The following SCN2B variants were observed in gnomAD, a reference collection of about 807,000 sequenced individuals.
The protein encoded by SCN2B is sodium channel regulatory subunit beta-2.
SCN2B carries 14 observed loss-of-function variants against 18.2 expected under a neutral mutation model. The ratio of observed to expected loss-of-function variants is 0.77; its 90% CI spans 0.51 to 1.21. The LOEUF is 1.21. Ranked by LOEUF, SCN2B falls within the 50% of genes most tolerant of loss-of-function variation. The pLI is 0.00. For missense variants in SCN2B, 262 were observed against 286.9 expected (o/e 0.91, Z 0.63); for synonymous variants, 115 against 115.3 (o/e 1.00, Z 0.02).
chr11:118,170,339 C>A (rs1401500691), intron 1 of SCN2B, among the ~76,000 whole-genome samples: 1 of 152,114 alleles, frequency 6.6e-6, no homozygotes, highest in African/African-American at 2.4e-5. Context: ...AGAGTGAGCC[C>A]GTTGAAGTTT....
chr11:118,176,128 C>CA (rs1948466620), intron 1 of SCN2B, among the ~76,000 whole-genome samples: 1 of 152,190 alleles, frequency 6.6e-6, no homozygotes, highest in Admixed American at 6.5e-5. Context: ...CCTCCCTTGA[C>CA]AATTGTCAGC....
rs749074624 is a variant in SCN2B, at chr11:118,167,114, C to T, written c.449-28G>A. ...GGAAAGGAAGCAGAGCCACTGAGCA[C>T]CAGGGCTGGGAAAGGGGCCTCCCCC... On this transcript the variant is annotated intron_variant, in intron 3 of 3. Coordinates refer to ENST00000278947, the MANE Select transcript of SCN2B (RefSeq NM_004588.5). The T allele has an allele frequency of 4.4e-6, 7 of 1,602,750 alleles. No homozygotes were observed. The South Asian group carries it at 4.4e-5, about 10-fold the overall frequency.
chr11:118,167,473 T>C (rs140506844), intron 3 of SCN2B, among the ~76,000 whole-genome samples: 8 of 152,366 alleles, frequency 5.3e-5, no homozygotes, highest in Non-Finnish European at 1.0e-4. Context: ...GAGGATGAGA[T>C]AATGCATAAA....
intron 1 of SCN2B, among the ~76,000 whole-genome samples, chr11:118,173,750 C>T (rs1435899765): frequency 1.3e-5 from 2 of 152,180 alleles, no homozygotes; most frequent in African/African-American, 4.8e-5. Context: ...GACTCCTATT[C>T]ATCTTGGTAT....
At position 118,168,511 on chromosome 11, in the gene SCN2B, G is replaced by A. The variant is rs1042102344; in HGVS notation, c.237+74C>T. On this transcript the variant is annotated intron_variant, in intron 2 of 3. Coordinates refer to ENST00000278947, the MANE Select transcript of SCN2B (RefSeq NM_004588.5). This position sits in a 1 kb window ranked among gnomAD's most constrained non-coding sequence, Gnocchi z 4.7. ...GGGCCCTAGCGCAGTGCCGGGGCCGGTGGTGGGACCAGGGGCTTCATGCCA... is the reference window on the plus strand; with the variant it reads ...GGGCCCTAGCGCAGTGCCGGGGCCGATGGTGGGACCAGGGGCTTCATGCCA... The A allele has an allele frequency of 1.3e-6, 2 of 1,593,618 alleles. No homozygotes were observed. The highest frequency in any genetic ancestry group is 4.5e-5 in the East Asian group (2 of 44,790).
chr11:118,170,448 G>A (rs139296063), intron 1 of SCN2B, among the ~76,000 whole-genome samples: 9 of 152,318 alleles, frequency 5.9e-5, no homozygotes, highest in Admixed American at 2.6e-4. Context: ...CAGAATGACC[G>A]AGGGGGTGCA....
In SCN2B at chr11:118,166,343, A is replaced by G; in HGVS notation, c.*544T>C. 1 of 176,504 alleles carries G rather than the reference A, an allele frequency of 5.7e-6. No individual in the cohort carries two copies. Among genetic ancestry groups the G allele is most frequent in the Non-Finnish European group, 1.2e-5 (1 of 82,114 alleles). The allele number at this position is 176,504 out of a possible 1,614,324, so 10.9% of individuals were successfully genotyped here. Reference sequence around the variant, plus strand: ...GCTTTCCGTCAGTGCCCTGGAATGCACAGTCATCCCTTTAACATGCCCCTC... The same window carrying G: ...GCTTTCCGTCAGTGCCCTGGAATGCGCAGTCATCCCTTTAACATGCCCCTC... On this transcript the variant is annotated 3_prime_UTR_variant, in exon 4 of 4. Transcript: ENST00000278947.
chr11:118,175,476 C>A (rs1948462550), intron 1 of SCN2B, among the ~76,000 whole-genome samples: 1 of 152,224 alleles, frequency 6.6e-6, no homozygotes, highest in South Asian at 2.1e-4. Context: ...ATAGTTCCAT[C>A]AACAGTCCTT....
chr11:118,166,707 AAG>A lies in SCN2B; in HGVS notation c.*178_*179del, dbSNP rs1948384948. 4.3e-6 allele frequency: 3 copies of A among 692,490 alleles called. No individual in the cohort carries two copies. The highest frequency in any genetic ancestry group is 7.5e-6 in the Non-Finnish European group (3 of 398,322). The allele number at this position is 692,490 out of a possible 1,614,324, so 42.9% of individuals were successfully genotyped here. On this transcript the variant is annotated 3_prime_UTR_variant, in exon 4 of 4. Coordinates refer to ENST00000278947, the MANE Select transcript of SCN2B (RefSeq NM_004588.5). ...AGAGCATGGCAGGTTTCTCGGATGG[AAG>A]AGAGTGGGTCACTCTTGGTGCAGGG...
intron 3 of SCN2B, among the ~76,000 whole-genome samples, chr11:118,167,698 A>T (rs1222689872): frequency 1.9e-4 from 29 of 152,188 alleles, no homozygotes; most frequent in Non-Finnish European, 4.3e-4. Context: ...CTGGGAGTAT[A>T]GGTGCAAGCC....
intron 1 of SCN2B, among the ~76,000 whole-genome samples, chr11:118,169,891 A>G (rs942575086): frequency 1.3e-5 from 2 of 152,160 alleles, no homozygotes; most frequent in African/African-American, 4.8e-5. Context: ...AGGGGCATCC[A>G]CTGCCTGGTC....
At chr11:118,167,200 G>T in intron 3 of SCN2B, 114 bp from the exon 4 acceptor site, 1 of 1,148,224 alleles carries the variant, frequency 8.7e-7, no homozygotes, top group Non-Finnish European at 1.2e-6. Context: ...TCCACAGACA[G>T]GACTTTAGCA....
rs772817742 is a variant in SCN2B, at chr11:118,168,238, C to A, written c.295G>T (p.Val99Leu). 2.5e-6 allele frequency: 4 copies of A among 1,614,188 alleles called. No individual in the cohort carries two copies. Among genetic ancestry groups the A allele is most frequent in the African/African-American group, 1.3e-5 (1 of 75,046 alleles). ...NLKLERFQDRVEFSGNPSKYD... is the reference protein window; with the variant it reads ...NLKLERFQDRLEFSGNPSKYD... ...TTGCTGGGGTTCCCTGAGAACTCCACGCGGTCTTGAAACCGCTCCAGCTTC... is the reference window on the plus strand; with the variant it reads ...TTGCTGGGGTTCCCTGAGAACTCCAAGCGGTCTTGAAACCGCTCCAGCTTC... The change falls in exon 3 of 4, where the codon GTG becomes TTG. Residue 99 changes from valine to leucine, a missense_variant. By Grantham distance (32) the Val-to-Leu change is conservative. Coordinates refer to ENST00000278947, the MANE Select transcript of SCN2B (RefSeq NM_004588.5). This position sits in a 1 kb window ranked among gnomAD's most constrained non-coding sequence, Gnocchi z 4.7.
rs776171575 is a variant in SCN2B, at chr11:118,168,137, G to A, written c.396C>T (p.Pro132=). The part of the protein sequence containing the change: ...EGIYNCYIMN[P]PDRHRGHGKI... ...TGCCATGGCCACGGTGGCGGTCAGGGGGGTTCATGATGTAGCAGTTGTAAA... is the reference window on the plus strand; with the variant it reads ...TGCCATGGCCACGGTGGCGGTCAGGAGGGTTCATGATGTAGCAGTTGTAAA... The change falls in exon 3 of 4, where the codon CCC becomes CCT. Residue 132 remains proline (P), a synonymous_variant. Transcript: ENST00000278947. The surrounding 1 kb of genome is among the most constrained non-coding windows in gnomAD (Gnocchi z 4.7). 1.8e-5 allele frequency: 29 copies of A among 1,614,190 alleles called. No homozygotes were observed. The South Asian group carries it at 2.7e-4, about 15-fold the overall frequency.
rs1170933230 is a variant in SCN2B, at chr11:118,168,097, C to T, written c.436G>A (p.Val146Ile). 6.2e-6 allele frequency: 10 copies of T among 1,613,950 alleles called. No homozygotes were observed. Among genetic ancestry groups the T allele is most frequent in the African/African-American group, 1.3e-5 (1 of 75,056 alleles). The change falls in exon 3 of 4, where the codon GTC (valine) becomes ATC (isoleucine). Residue 146 changes from valine to isoleucine, a missense_variant. Physicochemically the swap from Val to Ile is conservative, Grantham distance 29. Coordinates refer to ENST00000278947, the MANE Select transcript of SCN2B (RefSeq NM_004588.5). This position sits in a 1 kb window ranked among gnomAD's most constrained non-coding sequence, Gnocchi z 4.7. ...HRGHGKIHLQVLMEEPPERDS... is the reference protein window; with the variant it reads ...HRGHGKIHLQILMEEPPERDS... ...CCCCAGCCTTCACCTTCCATGAGGACCTGCAGATGGATCTTGCCATGGCCA... is the reference window on the plus strand; with the variant it reads ...CCCCAGCCTTCACCTTCCATGAGGATCTGCAGATGGATCTTGCCATGGCCA...
intron 1 of SCN2B, among the ~76,000 whole-genome samples, chr11:118,170,741 C>T (rs957782664): frequency 6.6e-6 from 1 of 152,104 alleles, no homozygotes; most frequent in Non-Finnish European, 1.5e-5. Flanking sequence ...TTGGTGACAC[C>T]GATCTCCCAG....
At chr11:118,170,340 G>T (rs762653932) in intron 1 of SCN2B, among the ~76,000 whole-genome samples, 1 of 152,200 alleles carries the variant, frequency 6.6e-6, no homozygotes, top group South Asian at 2.1e-4. Context: ...GAGTGAGCCC[G>T]TTGAAGTTTT....
At chr11:118,171,747 C>T (rs953908470) in intron 1 of SCN2B, among the ~76,000 whole-genome samples, 14 of 152,192 alleles carry the variant, frequency 9.2e-5, no homozygotes, top group African/African-American at 1.4e-4. Flanking sequence ...GCGGGCTCCC[C>T]CTCCCCACCC....
chr11:118,166,964 G>GC lies in SCN2B; in HGVS notation c.570dup (p.Leu191AlafsTer5). On this transcript the variant is annotated frameshift_variant, in exon 4 of 4. Coordinates refer to ENST00000278947, the MANE Select transcript of SCN2B (RefSeq NM_004588.5). LOFTEE classifies it high-confidence loss of function. ...TCGGTCTTCAGGTCATCTGTGCTCA[G>GC]CTTCTGCTCTTTTTTTCTCCTCACA... is the stretch of plus-strand genomic sequence containing the variant. The GC allele has an allele frequency of 6.2e-7, 1 of 1,614,134 alleles. No individual in the cohort carries two copies. The highest frequency in any genetic ancestry group is 1.1e-5 in the South Asian group (1 of 91,080).
Sources: gnomAD v4.1 joint callset for allele counts (sites outside exome capture counted in the v4.1 genomes callset) on GRCh38, gnomAD v4.1.1 for gene constraint, Gnocchi (gnomAD v3.1) non-coding constraint, MANE v1.5 for transcripts, NCBI Gene and HGNC (gene_info 2026-07-23, HGNC 2026-07-21) for gene names.